Variants in DEPDC5 observed in about 807,000 individuals in gnomAD.
DEPDC5 encodes the protein DEP domain containing 5, GATOR1 subcomplex subunit, also known as GATOR1 complex protein DEPDC5.
In DEPDC5, 73 loss-of-function variants were observed where a neutral mutation model predicts 217.3. The ratio of observed to expected loss-of-function variants is 0.34; its 90% CI spans 0.28 to 0.41. DEPDC5 has a LOEUF of 0.41. Ranked by LOEUF, DEPDC5 falls within the 10% of genes least tolerant of loss-of-function variation. The probability of loss-of-function intolerance (pLI) is 1.00; values close to 1 mark genes in which losing one functional copy is unlikely to be tolerated. For synonymous variants in DEPDC5, 733 were observed against 756.7 expected, an observed-to-expected ratio of 0.97 and a Z score of 0.51; for missense variants, 1,675 against 2,070.1, an observed-to-expected ratio of 0.81 and a Z score of 3.70.
chr22:31,827,260 C>T (rs926056747), intron 24 of DEPDC5, among the ~76,000 whole-genome samples: 1 of 152,142 alleles, frequency 6.6e-6, no homozygotes, highest in African/African-American at 2.4e-5. Flanking sequence ...ACTGAACTCC[C>T]ATCTTTGACC....
chr22:31,766,642 G>A lies in DEPDC5; in HGVS notation c.337G>A (p.Asp113Asn). Residue 113 changes from aspartate (D) to asparagine (N), a missense_variant, in exon 6 of 43, where the codon GAT becomes AAT. Asp to Asn is a conservative substitution (Grantham distance 23, BLOSUM62 1). This residue lies in a region of DEPDC5 where 628 missense variants were observed against 762.1 expected (regional missense o/e 0.82). Transcript: ENST00000651528. Reference sequence around the variant, plus strand: ...TAAGGATCAGTATATTGGCCGTGGGGATATGTGGCGACTAAAGAAAAGTTT... The same window carrying A: ...TAAGGATCAGTATATTGGCCGTGGGAATATGTGGCGACTAAAGAAAAGTTT... ...TFKDQYIGRG[D>N]MWRLKKSLVS... 2 of 1,613,752 alleles carry A rather than the reference G, an allele frequency of 1.2e-6. No homozygotes were observed. The highest frequency in any genetic ancestry group is 1.7e-6 in the Non-Finnish European group (2 of 1,179,946).
At chr22:31,789,482 G>GT (rs1431023201) in intron 10 of DEPDC5, among the ~76,000 whole-genome samples, 3 of 152,126 alleles carry the variant, frequency 2.0e-5, no homozygotes, top group Non-Finnish European at 2.9e-5. Context: ...CTGAGGGTGG[G>GT]GAGTGACTGT....
At chr22:31,769,511 A>G (rs1019789101) in intron 7 of DEPDC5, 1 of 152,196 alleles carries the variant, frequency 6.6e-6, no homozygotes, top group African/African-American at 2.4e-5. Context: ...TGACTGGCAC[A>G]TTGGCTCCTG....
chr22:31,861,891 C>G (rs1201526603), intron 33 of DEPDC5, among the ~76,000 whole-genome samples: 5 of 152,174 alleles, frequency 3.3e-5, no homozygotes, highest in Admixed American at 2.6e-4. Flanking sequence ...ATGCATAGGC[C>G]AAAGGTGTAG....
chr22:31,899,317 A>C (rs1005757477), intron 40 of DEPDC5, among the ~76,000 whole-genome samples: 2 of 152,242 alleles, frequency 1.3e-5, no homozygotes, highest in African/African-American at 4.8e-5. Flanking sequence ...TCAAAATCTT[A>C]AAAATCTGAC....
chr22:31,867,886 T>G (rs2092730692), intron 33 of DEPDC5, among the ~76,000 whole-genome samples: 1 of 152,168 alleles, frequency 6.6e-6, no homozygotes. Flanking sequence ...TTATAGTACA[T>G]GAGAGAACCC....
At chr22:31,769,553 T>A (rs1324582857) in intron 7 of DEPDC5, 1 of 152,180 alleles carries the variant, frequency 6.6e-6, no homozygotes, top group Non-Finnish European at 1.5e-5. Flanking sequence ...ATTGCTGTAC[T>A]CTTGATTTAT....
chr22:31,876,891 A>G (rs1041513620), intron 37 of DEPDC5, among the ~76,000 whole-genome samples: 2 of 152,106 alleles, frequency 1.3e-5, no homozygotes, highest in African/African-American at 4.8e-5. Context: ...GCTGGCTCAT[A>G]CCTGTAATCC....
intron 7 of DEPDC5, among the ~76,000 whole-genome samples, chr22:31,772,485 C>T (rs939710555): frequency 1.4e-4 from 21 of 152,286 alleles, no homozygotes; most frequent in African/African-American, 5.1e-4. Context: ...AACCCTTAGT[C>T]TTCACATCTG....
intron 24 of DEPDC5, among the ~76,000 whole-genome samples, chr22:31,833,485 T>C (rs2090756200): frequency 2.6e-5 from 4 of 152,162 alleles, no homozygotes; most frequent in Admixed American, 1.3e-4. Flanking sequence ...TTGTTTTATT[T>C]TATATATTTT....
rs1309164723 is a variant in DEPDC5 at position 31,907,507 on chromosome 22, C to G, written c.*1010C>G. ...GGTTCAAGCGATTCTCCTGTCTCGG[C>G]CTCCCGAGTAGCTGGGATTACAGGC... On this transcript the variant is annotated 3_prime_UTR_variant, in exon 43 of 43. Transcript: ENST00000651528. The G allele has an allele frequency of 6.6e-6, 1 of 152,122 alleles. No homozygotes were observed. Among genetic ancestry groups the G allele is most frequent in the Non-Finnish European group, 1.5e-5 (1 of 68,098 alleles). 9.4% of individuals were successfully genotyped at this position (152,122 alleles called of 1,614,324 possible). A position where few individuals can be genotyped will look rare whatever the true frequency, so the allele number is the denominator to read the frequency against.
At chr22:31,818,180 T>C (rs1328518207) in intron 21 of DEPDC5, among the ~76,000 whole-genome samples, 2 of 152,230 alleles carry the variant, frequency 1.3e-5, no homozygotes, top group Non-Finnish European at 2.9e-5. Context: ...GGGACCTGTC[T>C]ACCATTGCGC....
intron 38 of DEPDC5, among the ~76,000 whole-genome samples, chr22:31,893,207 A>G (rs1195140482): frequency 6.6e-6 from 1 of 152,072 alleles, no homozygotes; most frequent in Non-Finnish European, 1.5e-5. Flanking sequence ...GGACAAATGT[A>G]TAGTGACACG....
intron 14 of DEPDC5, among the ~76,000 whole-genome samples, chr22:31,801,486 T>C (rs1260867348): frequency 6.6e-6 from 1 of 152,152 alleles, no homozygotes; most frequent in Non-Finnish European, 1.5e-5. Flanking sequence ...CCGAAATATA[T>C]TGTTTGCAAA....
intron 15 of DEPDC5, among the ~76,000 whole-genome samples, chr22:31,803,771 AT>A (rs2087157068): frequency 6.6e-6 from 1 of 152,058 alleles, no homozygotes; most frequent in Non-Finnish European, 1.5e-5. Flanking sequence ...TGGAAAGTAA[AT>A]CCTGATGCCA....
chr22:31,832,198 A>G (rs1187092423), intron 24 of DEPDC5, among the ~76,000 whole-genome samples: 1 of 152,244 alleles, frequency 6.6e-6, no homozygotes, highest in Non-Finnish European at 1.5e-5. Context: ...GGCTGTTTCC[A>G]GGTTTTGGCA....
intron 5 of DEPDC5, among the ~76,000 whole-genome samples, chr22:31,765,680 C>T (rs1029506128): frequency 6.6e-5 from 10 of 152,150 alleles, no homozygotes; most frequent in South Asian, 4.1e-4. Context: ...ATTGCTTGTG[C>T]GCTATTGCAC....
intron 5 of DEPDC5, 80 bp from the exon 6 acceptor site, chr22:31,766,505 C>A: frequency 7.1e-7 from 1 of 1,403,036 alleles, no homozygotes; most frequent in Non-Finnish European, 9.9e-7. Flanking sequence ...AAGTTTTTTT[C>A]CATGGTAAGT....
At chr22:31,851,791 G>GT (rs2092042667) in intron 31 of DEPDC5, among the ~76,000 whole-genome samples, 2 of 152,178 alleles carry the variant, frequency 1.3e-5, no homozygotes, top group Non-Finnish European at 2.9e-5. Flanking sequence ...ACAAGCAAAC[G>GT]TGAGGTATGG....
Sources: allele counts gnomAD v4.1 joint callset (sites outside exome capture counted in the v4.1 genomes callset), GRCh38; gene constraint gnomAD v4.1.1; regional missense constraint gnomAD v4.1.1; transcripts MANE v1.5; gene names NCBI Gene and HGNC (gene_info 2026-07-23, HGNC 2026-07-21).